TMEM117: variants seen among roughly 807,000 people sequenced by gnomAD.
TMEM117 encodes transmembrane protein 117.
In TMEM117, 27 loss-of-function variants were observed where a neutral mutation model predicts 52.4. The observed-to-expected ratio is 0.51, with a 90% CI of 0.38 to 0.71. TMEM117 has a LOEUF of 0.71. Among genes scored for constraint, TMEM117 ranks in the 30% least tolerant of loss-of-function variants. TMEM117 has a pLI of 0.00. For missense variants in TMEM117, 556 were observed against 630.5 expected, an observed-to-expected ratio of 0.88 and a Z score of 1.26; for synonymous variants, 215 against 206.3, an observed-to-expected ratio of 1.04 and a Z score of -0.36.
intron 3 of TMEM117, among the ~76,000 whole-genome samples, chr12:43,985,006 A>C (rs1030168411): frequency 6.6e-6 from 1 of 151,454 alleles, no homozygotes; most frequent in Non-Finnish European, 1.5e-5. Context: ...TCTCTTTGAG[A>C]TTTTTTTTTG....
At chr12:44,390,169 A>G (rs749643000), downstream of TMEM117, among the ~76,000 whole-genome samples, 7 of 151,478 alleles carry the variant, frequency 4.6e-5, no homozygotes, top group Admixed American at 6.6e-5. Context: ...ATAGCCATGC[A>G]TGGTGCTACT....
intron 6 of TMEM117, among the ~76,000 whole-genome samples, chr12:44,309,700 A>G (rs1950949005): frequency 6.6e-6 from 1 of 151,846 alleles, no homozygotes. Context: ...AATATTATTT[A>G]TAACTTTACA....
intron 6 of TMEM117, among the ~76,000 whole-genome samples, chr12:44,352,516 A>G (rs1184961129): frequency 1.3e-5 from 2 of 151,862 alleles, no homozygotes; most frequent in African/African-American, 2.4e-5. Context: ...TCATTGTTCA[A>G]TTTCCACCTA....
chr12:43,804,053 C>A, the TMEM117 span: 1 of 207,528 alleles, frequency 4.8e-6, no homozygotes, highest in Non-Finnish European at 1.0e-5. Context: ...GGGAAATGAT[C>A]ATTTCTGTGG....
chr12:44,245,366 AG>A (rs1950115650), intron 5 of TMEM117, among the ~76,000 whole-genome samples: 1 of 152,002 alleles, frequency 6.6e-6, no homozygotes, highest in African/African-American at 2.4e-5. Context: ...TCTTTTCTTC[AG>A]TTTCTTTCAT....
chr12:44,349,441 C>A (rs1233841953), intron 6 of TMEM117, among the ~76,000 whole-genome samples: 1 of 152,018 alleles, frequency 6.6e-6, no homozygotes, highest in Non-Finnish European at 1.5e-5. Flanking sequence ...TGTCTGGGTA[C>A]TTCAGCTGAA....
At chr12:44,119,774 A>G (rs988015629) in intron 3 of TMEM117, among the ~76,000 whole-genome samples, 9 of 152,194 alleles carry the variant, frequency 5.9e-5, no homozygotes, top group Non-Finnish European at 1.2e-4. Context: ...CATCAGCTTA[A>G]TTAAGTCAGA....
chr12:44,202,531 C>T (rs73272217), intron 4 of TMEM117, among the ~76,000 whole-genome samples: 15,164 of 152,066 alleles, frequency 0.1, 2,239 homozygotes, highest in African/African-American at 0.33. Context: ...TGATATTCTG[C>T]TGGATTTGTT....
intron 5 of TMEM117, among the ~76,000 whole-genome samples, chr12:44,228,011 A>T (rs1431644335): frequency 6.6e-6 from 1 of 151,240 alleles, no homozygotes; most frequent in African/African-American, 2.4e-5. Context: ...AGAGACACAA[A>T]ACCTGGAGGT....
intron 6 of TMEM117, among the ~76,000 whole-genome samples, chr12:44,303,339 G>A (rs1160162727): frequency 2.0e-5 from 3 of 152,146 alleles, no homozygotes; most frequent in East Asian, 3.9e-4. Context: ...ATGAGCCACC[G>A]TGCCCAGCTG....
At chr12:43,961,531 T>C (rs1945403570) in intron 3 of TMEM117, among the ~76,000 whole-genome samples, 1 of 152,210 alleles carries the variant, frequency 6.6e-6, no homozygotes, top group Non-Finnish European at 1.5e-5. Flanking sequence ...TTGGAATGCA[T>C]CTTTATGAAT....
intron 2 of TMEM117, among the ~76,000 whole-genome samples, chr12:43,877,445 C>G (rs544340388): frequency 6.6e-6 from 1 of 151,744 alleles, no homozygotes; most frequent in Non-Finnish European, 1.5e-5. Context: ...ACCAGCCTGG[C>G]CAACATTGTG....
chr12:43,806,203 C>G, the TMEM117 span: 1 of 1,539,698 alleles, frequency 6.5e-7, no homozygotes, highest in South Asian at 1.2e-5. Flanking sequence ...CCCTGCGAGT[C>G]GCGCCGGGCG....
chr12:44,148,023 C>T (rs2138212832), intron 4 of TMEM117, among the ~76,000 whole-genome samples: 1 of 152,126 alleles, frequency 6.6e-6, no homozygotes, highest in Middle Eastern at 3.4e-3. Context: ...AAACCGTATA[C>T]TGTGTGTATC....
At chr12:44,004,969 G>A (rs1946171215) in intron 3 of TMEM117, among the ~76,000 whole-genome samples, 1 of 152,118 alleles carries the variant, frequency 6.6e-6, no homozygotes, top group South Asian at 2.1e-4. Flanking sequence ...ATTAATGAAG[G>A]ATGCTTAAAA....
At chr12:43,841,867 C>G (rs1312738972) in intron 1 of TMEM117, among the ~76,000 whole-genome samples, 2 of 152,064 alleles carry the variant, frequency 1.3e-5, no homozygotes, top group African/African-American at 2.4e-5. Context: ...AGTAGTATTT[C>G]TAAATCCTAC....
intron 3 of TMEM117, among the ~76,000 whole-genome samples, chr12:44,095,094 A>G (rs113092913): frequency 2.0e-5 from 3 of 152,218 alleles, no homozygotes; most frequent in African/African-American, 7.2e-5. Flanking sequence ...TACCACTACA[A>G]CTTGTTCTTG....
intron 7 of TMEM117, among the ~76,000 whole-genome samples, chr12:44,381,915 G>A (rs146786268): frequency 1.3e-5 from 2 of 152,214 alleles, no homozygotes; most frequent in African/African-American, 2.4e-5. Flanking sequence ...GGCAAAATTA[G>A]CAAGGGACTC....
At chr12:43,962,068 C>T (rs1310535133) in intron 3 of TMEM117, among the ~76,000 whole-genome samples, 3 of 152,048 alleles carry the variant, frequency 2.0e-5, no homozygotes, top group Middle Eastern at 3.2e-3. Context: ...TAAATATTTC[C>T]CTCCTAAGGT....
Sources: allele counts gnomAD v4.1 joint callset (sites outside exome capture counted in the v4.1 genomes callset), GRCh38; gene constraint gnomAD v4.1.1; transcripts MANE v1.5; gene names NCBI Gene and HGNC (gene_info 2026-07-23, HGNC 2026-07-21).